The following CSNK2A1 variants were observed in gnomAD, a reference collection of about 807,000 sequenced individuals.
The protein encoded by CSNK2A1 is casein kinase 2 alpha 1, also known as casein kinase II subunit alpha.
CSNK2A1 carries 10 observed loss-of-function variants against 62.9 expected under a neutral mutation model. The ratio of observed to expected loss-of-function variants is 0.16; its 90% CI spans 0.10 to 0.27. CSNK2A1 has a LOEUF of 0.27. CSNK2A1 is among the 10% of genes least tolerant of loss of function. CSNK2A1 has a pLI of 1.00. For missense variants in CSNK2A1, 160 were observed against 492.0 expected, an observed-to-expected ratio of 0.33 and a Z score of 6.38; for synonymous variants, 124 against 167.8, an observed-to-expected ratio of 0.74 and a Z score of 2.02.
In CSNK2A1 at chr20:476,033, G is replaced by A. The variant is rs1247668071; in HGVS notation, c.*7928C>T. The A allele has an allele frequency of 3.9e-5, 6 of 152,290 alleles. No homozygotes were observed. Among genetic ancestry groups the A allele is most frequent in the Non-Finnish European group, 4.4e-5 (3 of 68,088 alleles). 9.4% of individuals were successfully genotyped at this position (152,290 alleles called of 1,614,324 possible). On this transcript the variant is annotated 3_prime_UTR_variant, in exon 14 of 14. Transcript: ENST00000217244. The stretch of plus-strand genomic sequence containing the variant: ...AGCAAAAGAAAGAAAAAATTTGTCT[G>A]CAATGACTGGCTAGGAACCTGGACA...
chr20:488,932 G>A, intron 10 of CSNK2A1, 154 bp from the exon 11 acceptor site: 1 of 616,516 alleles, frequency 1.6e-6, no homozygotes. Flanking sequence ...ATGTGATAGT[G>A]TTAGAAAAAG....
rs1042809138 is a variant in CSNK2A1 at position 543,776 on chromosome 20, G to T, written c.-331C>A. 1.0e-5 allele frequency: 4 copies of T among 398,314 alleles called. No individual in the cohort carries two copies. The highest frequency in any genetic ancestry group is 2.6e-4 in the South Asian group (2 of 7,770). The allele number at this position is 398,314 out of a possible 1,614,324, so 24.7% of individuals were successfully genotyped here. ...ACACGGCTCGGCCGCCAGCCGCAGG[G>T]ACCAGAGCGAGGCTGCAGCCGCTGC... On this transcript the variant is annotated 5_prime_UTR_variant, in exon 1 of 14. Coordinates refer to ENST00000217244, the MANE Select transcript of CSNK2A1 (RefSeq NM_177559.3).
At chr20:519,120 G>GT (rs1360233122) in intron 2 of CSNK2A1, among the ~76,000 whole-genome samples, 2 of 151,906 alleles carry the variant, frequency 1.3e-5, no homozygotes, top group East Asian at 3.9e-4. Context: ...ATTTTTAGTA[G>GT]TGAGGGGGTT....
At chr20:536,859 G>A (rs1202497704) in intron 1 of CSNK2A1, among the ~76,000 whole-genome samples, 1 of 152,172 alleles carries the variant, frequency 6.6e-6, no homozygotes, top group Non-Finnish European at 1.5e-5. Flanking sequence ...AACGTGGCAG[G>A]CGCTCAGGAT....
rs6133092 is a variant in CSNK2A1 at position 485,900 on chromosome 20, C to T, written c.1060+476G>A. On this transcript the variant is annotated intron_variant, in intron 13 of 13. Coordinates refer to ENST00000217244, the MANE Select transcript of CSNK2A1 (RefSeq NM_177559.3). ...GGGTACTCTATAAAAATTCACTGTG[C>T]GTCACAATGATCCAATAATGGAAAA... 5.3e-4 allele frequency among the ~76,000 whole-genome samples: 80 copies of T among 152,244 alleles called. 1 individual carries two copies. In the East Asian group the frequency reaches 9.1e-3, roughly 17 times the overall value.
rs151249242 is a variant in CSNK2A1 at position 479,776 on chromosome 20, G to T, written c.*4185C>A. On this transcript the variant is annotated 3_prime_UTR_variant, in exon 14 of 14. Coordinates refer to ENST00000217244, the MANE Select transcript of CSNK2A1 (RefSeq NM_177559.3). ...TTACTTGGAGAATAGTCTGAATTTC[G>T]TATTACACGTTGAGCATTTCTAATT... The T allele has an allele frequency of 6.6e-6, 1 of 152,128 alleles. No homozygotes were observed. The highest frequency in any genetic ancestry group is 2.4e-5 in the African/African-American group (1 of 41,424). The allele number at this position is 152,128 out of a possible 1,614,324, so 9.4% of individuals were successfully genotyped here. A position where few individuals can be genotyped will look rare whatever the true frequency, so the allele number is the denominator to read the frequency against.
In CSNK2A1 at chr20:532,861, C is replaced by T. The variant is rs186080821; in HGVS notation, c.-226-4812G>A. Among the ~76,000 whole-genome samples, 341 of 152,188 alleles carry T rather than the reference C, an allele frequency of 2.2e-3. 1 individual carries two copies. Among genetic ancestry groups the T allele is most frequent in the Non-Finnish European group, 3.6e-3 (243 of 68,008 alleles). On this transcript the variant is annotated intron_variant, in intron 1 of 13. Transcript: ENST00000217244. The stretch of plus-strand genomic sequence containing the variant: ...AGATCATCTATTTGGAGGTCACTGA[C>T]ACAAAAAAACAAAAACAACAAAGAC...
intron 1 of CSNK2A1, among the ~76,000 whole-genome samples, chr20:536,109 C>T (rs973761395): frequency 6.6e-6 from 1 of 151,792 alleles, no homozygotes; most frequent in African/African-American, 2.4e-5. Flanking sequence ...ACACTGTACA[C>T]GAGTAATTGA....
rs75552640 is a variant in CSNK2A1 at position 487,953 on chromosome 20, G to A, written c.825-378C>T. ...TGGCCAGCAAAAGCCTTTGCATCAG[G>A]AAAGTCCATCTCCTCCTGTTGAGTG... On this transcript the variant is annotated intron_variant, in intron 11 of 13. Transcript: ENST00000217244. 1,144 of 276,914 alleles carry A rather than the reference G, an allele frequency of 4.1e-3. 14 individuals carry two copies. Among genetic ancestry groups the A allele is most frequent in the African/African-American group, 0.023 (1,073 of 46,238 alleles). The allele number at this position is 276,914 out of a possible 1,614,324, so 17.2% of individuals were successfully genotyped here. A position where few individuals can be genotyped will look rare whatever the true frequency, so the allele number is the denominator to read the frequency against.
At chr20:525,041 T>A (rs2019049160) in intron 2 of CSNK2A1, among the ~76,000 whole-genome samples, 1 of 152,136 alleles carries the variant, frequency 6.6e-6, no homozygotes, top group Non-Finnish European at 1.5e-5. Flanking sequence ...CCTAGGAGTT[T>A]GAGGCTTCAG....
At chr20:493,542 C>T (rs2018280476) in intron 8 of CSNK2A1, among the ~76,000 whole-genome samples, 2 of 152,188 alleles carry the variant, frequency 1.3e-5, no homozygotes, top group African/African-American at 4.8e-5. Context: ...TCTCTGCACC[C>T]TTTACCCAGT....
In CSNK2A1 at chr20:474,737, C is replaced by T. The variant is rs1044089185; in HGVS notation, c.*9224G>A. 3 of 152,200 alleles carry T rather than the reference C, an allele frequency of 2.0e-5. No individual in the cohort carries two copies. The highest frequency in any genetic ancestry group is 1.3e-4 in the Admixed American group (2 of 15,280). 9.4% of individuals were successfully genotyped at this position (152,200 alleles called of 1,614,324 possible). A position where few individuals can be genotyped will look rare whatever the true frequency, so the allele number is the denominator to read the frequency against. ...AACACCACCACACATGCCAGCATTT[C>T]CCATCACTCCTCTTTCCATTGTCAT... On this transcript the variant is annotated 3_prime_UTR_variant, in exon 14 of 14. Transcript: ENST00000217244.
chr20:497,128 G>A (rs1188384567), intron 7 of CSNK2A1, among the ~76,000 whole-genome samples: 2 of 152,032 alleles, frequency 1.3e-5, no homozygotes, highest in Non-Finnish European at 2.9e-5. Flanking sequence ...CTTAGCACAA[G>A]GGTTCTGATA....
intron 2 of CSNK2A1, among the ~76,000 whole-genome samples, chr20:527,693 CTTGGACTTTGA>C (rs1250579473): frequency 6.6e-6 from 1 of 151,924 alleles, no homozygotes; most frequent in Non-Finnish European, 1.5e-5. Flanking sequence ...AATTCAAGTA[CTTGGACTTTGA>C]TTTATTTCTC....
At chr20:486,260 A>C in intron 13 of CSNK2A1, 116 bp downstream of exon 13, 1 of 1,195,742 alleles carries the variant, frequency 8.4e-7, no homozygotes. Context: ...TGGTTAAAAA[A>C]AAGTCACAAG....
Position 472,809 on chromosome 20 carries a change from T to C in CSNK2A1, c.*11152A>G, listed in dbSNP as rs1450175035. ...AGAATTTGGCTGCCTTCAGCCATAA[T>C]TTCTTTCTGAAGCTTTTGCAAAACC... On this transcript the variant is annotated 3_prime_UTR_variant, in exon 14 of 14. Coordinates refer to ENST00000217244, the MANE Select transcript of CSNK2A1 (RefSeq NM_177559.3). 6.6e-6 allele frequency: 1 copy of C among 152,246 alleles called. No individual in the cohort carries two copies. The highest frequency in any genetic ancestry group is 1.5e-5 in the Non-Finnish European group (1 of 68,046). The allele number at this position is 152,246 out of a possible 1,614,324, so 9.4% of individuals were successfully genotyped here.
Position 527,001 on chromosome 20 carries a change from C to CAGACAGACAGAGAGAGAG in CSNK2A1, c.-110+931_-110+932insCTCTCTCTCTGTCTGTCT, listed in dbSNP as rs1197678638. ...AGAGAGAGAAAGAGAGAGAGACAGA[C>CAGACAGACAGAGAGAGAG]AGAGAGAGAGAGAGAGAGAGAGAGA... On this transcript the variant is annotated intron_variant, in intron 2 of 13. Coordinates refer to ENST00000217244, the MANE Select transcript of CSNK2A1 (RefSeq NM_177559.3). 1.4e-3 allele frequency: 136 copies of CAGACAGACAGAGAGAGAG among 97,888 alleles called. 2 individuals are homozygous for CAGACAGACAGAGAGAGAG. Among genetic ancestry groups the CAGACAGACAGAGAGAGAG allele is most frequent in the African/African-American group, 5.0e-3 (123 of 24,672 alleles). 6.1% of individuals were successfully genotyped at this position (97,888 alleles called of 1,614,324 possible).
chr20:485,403 G>A (rs1464406555), intron 13 of CSNK2A1, among the ~76,000 whole-genome samples: 2 of 151,794 alleles, frequency 1.3e-5, no homozygotes, highest in South Asian at 2.1e-4. Flanking sequence ...GGCTGGTCTC[G>A]AACTCCTGAC....
chr20:538,274 A>T (rs774439486), intron 1 of CSNK2A1, among the ~76,000 whole-genome samples: 3 of 152,200 alleles, frequency 2.0e-5, no homozygotes, highest in Admixed American at 2.0e-4. Context: ...CTCAGGGAAC[A>T]TAGTTCAAAA....
Sources: allele counts gnomAD v4.1 joint callset (sites outside exome capture counted in the v4.1 genomes callset), GRCh38; gene constraint gnomAD v4.1.1; transcripts MANE v1.5; gene names NCBI Gene and HGNC (gene_info 2026-07-23, HGNC 2026-07-21).